LONRF1: variants seen among roughly 807,000 people sequenced by gnomAD.
The protein encoded by LONRF1 is LON peptidase N-terminal domain and RING finger protein 1.
In LONRF1, 37 loss-of-function variants were observed where a neutral mutation model predicts 85.8. That is an observed-to-expected ratio of 0.43 (90% CI 0.33 to 0.57). The LOEUF is 0.57. Among genes scored for constraint, LONRF1 ranks in the 20% least tolerant of loss-of-function variants. LONRF1 has a pLI of 0.04. For missense variants in LONRF1, 1,036 were observed against 978.0 expected, an observed-to-expected ratio of 1.06 and a Z score of -0.79; for synonymous variants, 517 against 390.1, an observed-to-expected ratio of 1.33 and a Z score of -3.83.
intron 2 of LONRF1, among the ~76,000 whole-genome samples, chr8:12,742,674 T>G (rs1798984352): frequency 6.6e-6 from 1 of 152,158 alleles, no homozygotes; most frequent in Non-Finnish European, 1.5e-5. Flanking sequence ...GTTCCTTATT[T>G]ATGAAAGAAA....
intron 1 of LONRF1, among the ~76,000 whole-genome samples, chr8:12,751,126 CAG>C (rs940416044): frequency 6.6e-6 from 1 of 152,030 alleles, no homozygotes; most frequent in African/African-American, 2.4e-5. Flanking sequence ...TTCCAGCATG[CAG>C]AGCTTTAATC....
intron 11 of LONRF1, among the ~76,000 whole-genome samples, chr8:12,723,930 C>G (rs1806041068): frequency 6.6e-6 from 1 of 152,162 alleles, no homozygotes; most frequent in Non-Finnish European, 1.5e-5. Flanking sequence ...TGACTATTGG[C>G]TATTGAAACA....
At chr8:12,746,481 C>G (rs1799157902) in intron 1 of LONRF1, among the ~76,000 whole-genome samples, 2 of 152,200 alleles carry the variant, frequency 1.3e-5, no homozygotes, top group Admixed American at 6.5e-5. Context: ...GCTCACCAGT[C>G]TCCTCCCAAG....
chr8:12,725,696 G>A (rs750942302), intron 11 of LONRF1, 31 bp downstream of exon 11: 1 of 1,586,920 alleles, frequency 6.3e-7, no homozygotes, highest in Non-Finnish European at 8.6e-7. Context: ...ATAAAAAAGT[G>A]ACTTTTGGAA....
chr8:12,739,342 A>C (rs1798840214), intron 3 of LONRF1, among the ~76,000 whole-genome samples: 1 of 2,072 alleles, frequency 4.8e-4, no homozygotes, highest in African/African-American at 6.3e-4. Flanking sequence ...TATGTTCAGC[A>C]AAAAAAAAAA....
At chr8:12,741,279 G>T (rs763995586) in intron 2 of LONRF1, among the ~76,000 whole-genome samples, 6 of 152,214 alleles carry the variant, frequency 3.9e-5, no homozygotes, top group Non-Finnish European at 7.3e-5. Flanking sequence ...AGCTAACTGG[G>T]AGGCTAAGGC....
chr8:12,736,024 T>A (rs964856078), intron 6 of LONRF1, among the ~76,000 whole-genome samples: 4 of 152,150 alleles, frequency 2.6e-5, no homozygotes, highest in Non-Finnish European at 4.4e-5. Context: ...AGAAATAGAT[T>A]TAGAGGTACT....
At chr8:12,752,886 T>C (rs937215267) in intron 1 of LONRF1, 1 of 152,250 alleles carries the variant, frequency 6.6e-6, no homozygotes, top group African/African-American at 2.4e-5. Flanking sequence ...ATACTAAACA[T>C]GTGCTATAAG....
At position 12,735,975 on chromosome 8, in the gene LONRF1, T is replaced by C. The variant is rs187503983; in HGVS notation, c.1452-575A>G. Reference sequence around the variant, plus strand: ...ATTCAAACATTACAGAACAACTAGTTTTACTTATTTTCTGAAACATGATAG... The same window carrying C: ...ATTCAAACATTACAGAACAACTAGTCTTACTTATTTTCTGAAACATGATAG... On this transcript the variant is annotated intron_variant, in intron 6 of 11. Transcript: ENST00000398246. Among the ~76,000 whole-genome samples, 4 of 152,280 alleles carry C rather than the reference T, an allele frequency of 2.6e-5. No homozygotes were observed. The East Asian group carries it at 5.8e-4, about 22-fold the overall frequency.
chr8:12,730,791 A>T (rs1798499291), intron 8 of LONRF1, among the ~76,000 whole-genome samples: 1 of 152,186 alleles, frequency 6.6e-6, no homozygotes, highest in African/African-American at 2.4e-5. Context: ...TCTTCTGTGG[A>T]AGGCACCTGG....
chr8:12,752,261 A>G (rs1799437726), intron 1 of LONRF1, among the ~76,000 whole-genome samples: 1 of 152,254 alleles, frequency 6.6e-6, no homozygotes, highest in African/African-American at 2.4e-5. Context: ...AATTCCAAAG[A>G]AGTTAAAGCC....
Position 12,729,022 on chromosome 8 carries a change from T to C in LONRF1, c.1889A>G (p.His630Arg). The change falls in exon 10 of 12, where the codon CAT becomes CGT. Residue 630 changes from histidine to arginine, a missense_variant. Physicochemically the swap from His to Arg is conservative, Grantham distance 29 (BLOSUM62 0). Transcript: ENST00000398246. ...YGCMLQIRNV[H>R]FLPDGRSVVD... ...CACAGACCTTCCGTCCGGTAAGAAATGCACGTTTCTAATTTGTAACATACA... is the reference window on the plus strand; with the variant it reads ...CACAGACCTTCCGTCCGGTAAGAAACGCACGTTTCTAATTTGTAACATACA... 1.9e-6 allele frequency: 3 copies of C among 1,614,054 alleles called. No individual in the cohort carries two copies. Among genetic ancestry groups the C allele is most frequent in the Non-Finnish European group, 2.5e-6 (3 of 1,179,922 alleles).
intron 2 of LONRF1, 54 bp from the exon 3 acceptor site, chr8:12,741,050 A>T: frequency 1.7e-5 from 27 of 1,589,670 alleles, no homozygotes; most frequent in Non-Finnish European, 2.3e-5. Flanking sequence ...CTTTTTAAAA[A>T]ATCATTATCA....
At position 12,729,164 on chromosome 8, in the gene LONRF1, A is replaced by G. The variant is rs367844499; in HGVS notation, c.1847+10T>C. Reference sequence around the variant, plus strand: ...ATAAATACAAATATTTAGGTTCACAAAAAGCATACCTATTTTGTGTATCAC... The same window carrying G: ...ATAAATACAAATATTTAGGTTCACAGAAAGCATACCTATTTTGTGTATCAC... On this transcript the variant is annotated intron_variant, in intron 9 of 11. Transcript: ENST00000398246. 1.9e-6 allele frequency: 3 copies of G among 1,613,650 alleles called. No homozygotes were observed. Among genetic ancestry groups the G allele is most frequent in the African/African-American group, 1.3e-5 (1 of 74,922 alleles).
chr8:12,729,314 TG>T lies in LONRF1; in HGVS notation c.1706del (p.Pro569GlnfsTer25). ...AELSHLTKNV[P>X]IFVCTMAYPT... ...GGTAGGCCATAGTGCAAACAAATAT[TG>T]GAACATTCTTGGTCAAGCTAAGGGA... On this transcript the variant is annotated frameshift_variant, in exon 9 of 12. Transcript: ENST00000398246. LOFTEE classifies it high-confidence loss of function. The T allele has an allele frequency of 6.2e-7, 1 of 1,613,586 alleles. No homozygotes were observed. The highest frequency in any genetic ancestry group is 8.5e-7 in the Non-Finnish European group (1 of 1,179,768).
chr8:12,729,594 T>C (rs1485800465), intron 8 of LONRF1, among the ~76,000 whole-genome samples: 16 of 152,180 alleles, frequency 1.1e-4, no homozygotes, highest in Non-Finnish European at 1.5e-5. Flanking sequence ...AGACACCAGA[T>C]TATCTTACAG....
At chr8:12,740,660 G>T (rs150107919) in intron 3 of LONRF1, among the ~76,000 whole-genome samples, 87 of 152,228 alleles carry the variant, frequency 5.7e-4, no homozygotes, top group Non-Finnish European at 1.0e-3. Context: ...CCAAAAAAAT[G>T]CATTGAAATA....
At chr8:12,734,246 T>C (rs1308178487) in intron 7 of LONRF1, among the ~76,000 whole-genome samples, 2 of 59,762 alleles carry the variant, frequency 3.3e-5, no homozygotes, top group Non-Finnish European at 8.3e-5. Flanking sequence ...AAATTCTAAA[T>C]ATGCTTTTGT....
chr8:12,741,777 G>A (rs1798942342), intron 2 of LONRF1, among the ~76,000 whole-genome samples: 1 of 152,116 alleles, frequency 6.6e-6, no homozygotes, highest in Non-Finnish European at 1.5e-5. Flanking sequence ...TTTTAAGGAA[G>A]TACTTATAGA....
Sources: allele counts gnomAD v4.1 joint callset (sites outside exome capture counted in the v4.1 genomes callset), GRCh38; gene constraint gnomAD v4.1.1; transcripts MANE v1.5; gene names NCBI Gene and HGNC (gene_info 2026-07-23, HGNC 2026-07-21).